The following DGKI variants were observed in gnomAD, a reference collection of about 807,000 sequenced individuals.
DGKI encodes the protein diacylglycerol kinase iota, also known as DAG kinase iota.
A neutral mutation model predicts 147.5 loss-of-function variants in DGKI; 55 were observed. The observed-to-expected ratio is 0.37, with a 90% CI of 0.30 to 0.47. DGKI has a LOEUF of 0.47. DGKI is among the 20% of genes least tolerant of loss of function. The pLI, the probability that DGKI is intolerant of heterozygous loss-of-function variation, is 1.00. For missense variants in DGKI, 1,007 were observed against 1,323.8 expected (o/e 0.76, Z 3.71); for synonymous variants, 469 against 477.1 (o/e 0.98, Z 0.22).
chr7:137,750,180 G>A (rs1795454978), intron 1 of DGKI, among the ~76,000 whole-genome samples: 1 of 152,186 alleles, frequency 6.6e-6, no homozygotes, highest in Non-Finnish European at 1.5e-5. Context: ...TGTCGTAGAG[G>A]AGCCAGGGTG....
chr7:137,571,111 G>T (rs1818778977), intron 19 of DGKI, 64 bp downstream of exon 19: 32 of 1,214,812 alleles, frequency 2.6e-5, no homozygotes, highest in Non-Finnish European at 3.7e-5. Context: ...CTAAAGTCCT[G>T]TGAATTGAAT....
chr7:137,478,422 T>C lies in DGKI; in HGVS notation c.2373+6952A>G, dbSNP rs1053914262. 3.9e-5 allele frequency among the ~76,000 whole-genome samples: 6 copies of C among 152,192 alleles called. No individual in the cohort carries two copies. In the South Asian group the frequency reaches 1.2e-3, roughly 32 times the overall value. ...CATCACGTCTATCTATACACCTTTC[T>C]CTTGTACTTCAAAAAAATAATAATA... On this transcript the variant is annotated intron_variant, in intron 23 of 32. Coordinates refer to ENST00000614521, the MANE Select transcript of DGKI (RefSeq NM_001321708.2).
intron 27 of DGKI, among the ~76,000 whole-genome samples, chr7:137,446,355 C>G (rs146950249): frequency 6.6e-6 from 1 of 152,188 alleles, no homozygotes; most frequent in Non-Finnish European, 1.5e-5. Context: ...ATATGCCTGG[C>G]TTTGTGGAAT....
At chr7:137,512,139 T>C (rs937775927) in intron 21 of DGKI, among the ~76,000 whole-genome samples, 6 of 152,232 alleles carry the variant, frequency 3.9e-5, no homozygotes, top group Non-Finnish European at 7.3e-5. Context: ...CAAATTCTTT[T>C]AAATTTGTCT....
intron 19 of DGKI, among the ~76,000 whole-genome samples, chr7:137,563,230 G>A (rs1818475726): frequency 6.6e-6 from 1 of 151,784 alleles, no homozygotes; most frequent in South Asian, 2.1e-4. Flanking sequence ...AAGCTCTCAG[G>A]AAAGTAGGAA....
At chr7:137,495,456 C>T (rs1419135124) in intron 21 of DGKI, among the ~76,000 whole-genome samples, 3 of 134,466 alleles carry the variant, frequency 2.2e-5, no homozygotes, top group Non-Finnish European at 4.7e-5. Context: ...ATTCCTAACT[C>T]ACTCGGTGAG....
intron 8 of DGKI, among the ~76,000 whole-genome samples, chr7:137,615,527 A>ATG (rs1247596583): frequency 2.4e-4 from 33 of 137,504 alleles, no homozygotes; most frequent in African/African-American, 2.7e-4. Context: ...GTGTATATGT[A>ATG]TGTATGTGTG....
intron 20 of DGKI, among the ~76,000 whole-genome samples, chr7:137,531,289 A>T (rs1442916006): frequency 6.6e-6 from 1 of 152,202 alleles, no homozygotes; most frequent in Non-Finnish European, 1.5e-5. Flanking sequence ...CTTTCATCAC[A>T]TCAGGCCAAA....
At chr7:137,536,773 G>C (rs957544176) in intron 20 of DGKI, among the ~76,000 whole-genome samples, 1 of 152,136 alleles carries the variant, frequency 6.6e-6, no homozygotes, top group Admixed American at 6.6e-5. Flanking sequence ...GAATAAGGAG[G>C]AAGACGCTCT....
chr7:137,467,384 T>C (rs1483430168), intron 24 of DGKI, among the ~76,000 whole-genome samples: 1 of 152,232 alleles, frequency 6.6e-6, no homozygotes, highest in African/African-American at 2.4e-5. Context: ...CTCCTGAAAT[T>C]AGCAAATGAT....
rs1422221308 is a variant in DGKI at position 137,664,291 on chromosome 7, T to A, written c.607-7751A>T. Among the ~76,000 whole-genome samples, 5 of 144,784 alleles carry A rather than the reference T, an allele frequency of 3.5e-5. No homozygotes were observed. In the East Asian group the frequency reaches 6.1e-4, roughly 18 times the overall value. The allele number at this position is 144,784 out of a possible 152,430, so 95.0% of individuals were successfully genotyped here. ...TACCCGGGAGGCTGAGGCATGAGAA[T>A]CACTTGAACCTGGGAGGTGGAGGTT... On this transcript the variant is annotated intron_variant, in intron 3 of 32. Coordinates refer to ENST00000614521, the MANE Select transcript of DGKI (RefSeq NM_001321708.2).
chr7:137,824,543 A>AAATGGAATT (rs1166644002), intron 1 of DGKI, among the ~76,000 whole-genome samples: 1 of 134,330 alleles, frequency 7.4e-6, no homozygotes, highest in East Asian at 2.0e-4. Flanking sequence ...AAAGAAAAGA[A>AAATGGAATT]AATGGAATTA....
intron 1 of DGKI, among the ~76,000 whole-genome samples, chr7:137,700,982 G>A (rs1053352698): frequency 2.0e-5 from 3 of 152,154 alleles, no homozygotes; most frequent in African/African-American, 7.2e-5. Flanking sequence ...ACAAAGAGAA[G>A]TCAGGTTTCT....
chr7:137,830,051 C>T (rs1798173961), intron 1 of DGKI, among the ~76,000 whole-genome samples: 1 of 152,134 alleles, frequency 6.6e-6, no homozygotes, highest in Admixed American at 6.5e-5. Context: ...TCTAAAAGGG[C>T]ATGGCATCTG....
chr7:137,651,682 G>C (rs992240135), intron 5 of DGKI, among the ~76,000 whole-genome samples: 1 of 152,148 alleles, frequency 6.6e-6, no homozygotes, highest in African/African-American at 2.4e-5. Flanking sequence ...AGACGGAAGA[G>C]AACATAGAAA....
intron 1 of DGKI, among the ~76,000 whole-genome samples, chr7:137,765,911 C>T (rs1796002868): frequency 6.6e-6 from 1 of 152,184 alleles, no homozygotes; most frequent in Non-Finnish European, 1.5e-5. Flanking sequence ...GGAGAAGTCA[C>T]ATCTATACCT....
chr7:137,769,515 G>T (rs998746480), intron 1 of DGKI, among the ~76,000 whole-genome samples: 1 of 152,086 alleles, frequency 6.6e-6, no homozygotes, highest in African/African-American at 2.4e-5. Flanking sequence ...CACAGCAAAA[G>T]AAACTACCAT....
At chr7:137,779,729 A>G (rs994783518) in intron 1 of DGKI, among the ~76,000 whole-genome samples, 1 of 152,220 alleles carries the variant, frequency 6.6e-6, no homozygotes, top group Admixed American at 6.5e-5. Flanking sequence ...AAGACAGTTT[A>G]TAAGTTTTAC....
At chr7:137,752,865 G>A (rs979027252) in intron 1 of DGKI, among the ~76,000 whole-genome samples, 5 of 152,022 alleles carry the variant, frequency 3.3e-5, no homozygotes, top group South Asian at 2.1e-4. Context: ...TTTTGTCTGC[G>A]GCTTGTCCTG....
Sources: gnomAD v4.1 joint callset for allele counts (sites outside exome capture counted in the v4.1 genomes callset) on GRCh38, gnomAD v4.1.1 for gene constraint, MANE v1.5 for transcripts, NCBI Gene and HGNC (gene_info 2026-07-23, HGNC 2026-07-21) for gene names.